The following RSRP1 variants were observed in gnomAD, a reference collection of about 807,000 sequenced individuals.
The protein encoded by RSRP1 is arginine and serine rich protein 1.
In RSRP1, 37 loss-of-function variants were observed where a neutral mutation model predicts 33.0. The observed-to-expected ratio is 1.12, with a 90% confidence interval of 0.86 to 1.48. The LOEUF is 1.48. RSRP1 is among the 40% of genes most tolerant of loss of function. The pLI is 0.00. For missense variants in RSRP1, 402 were observed against 385.3 expected (o/e 1.04, Z -0.36); for synonymous variants, 167 against 158.7 (o/e 1.05, Z -0.40).
At chr1:25,251,864 A>G (rs188263961), upstream of RSRP1, among the ~76,000 whole-genome samples, 41 of 151,942 alleles carry the variant, frequency 2.7e-4, no homozygotes, top group African/African-American at 9.9e-4. Context: ...AGTTTTCTTC[A>G]AGACATGTCA....
chr1:25,299,084 A>C (rs1236801291), intron 1 of RSRP1, among the ~76,000 whole-genome samples: 1 of 125,970 alleles, frequency 7.9e-6, no homozygotes, highest in Non-Finnish European at 1.9e-5. Flanking sequence ...AAAAAAAAAA[A>C]AAAAAAAAAA....
intron 1 of RSRP1, among the ~76,000 whole-genome samples, chr1:25,258,518 G>A (rs531082204): frequency 6.1e-4 from 93 of 152,280 alleles, no homozygotes; most frequent in African/African-American, 2.2e-3. Flanking sequence ...CTTTTTGGAA[G>A]ACCCTGTCAT....
rs17421144 is a variant in RSRP1 at position 25,300,968 on chromosome 1, T to G, written c.-67+37010A>C. 53 of 1,378,758 alleles carry G rather than the reference T, an allele frequency of 3.8e-5. 17 individuals carry two copies. The highest frequency in any genetic ancestry group is 4.9e-5 in the Non-Finnish European group (48 of 978,746). 85.4% of individuals were successfully genotyped at this position (1,378,758 alleles called of 1,614,324 possible). A position where few individuals can be genotyped will look rare whatever the true frequency, so the allele number is the denominator to read the frequency against. ...CAGACAGACTACCACATGAACATGA[T>G]GCACATCTACGTGTTCGCAGCCTAT... On this transcript the variant is annotated intron_variant, in intron 1 of 1. Coordinates refer to the RSRP1 transcript ENST00000561867.
chr1:25,245,000 A>T lies in RSRP1; in HGVS notation c.672+150T>A. The T allele has an allele frequency of 2.0e-6, 3 of 1,537,412 alleles. No individual in the cohort carries two copies. The South Asian group carries it at 3.7e-5, about 19-fold the overall frequency. On this transcript the variant is annotated intron_variant, in intron 3 of 4. Transcript: ENST00000243189. ...AATCTCCCATTTTCATGGGTTTGAC[A>T]TTGCCTATCTTCAGATTTGCTACTT...
intron 1 of RSRP1, among the ~76,000 whole-genome samples, chr1:25,286,515 A>G (rs191273434): frequency 0.021 from 2,779 of 134,856 alleles, 422 homozygotes; most frequent in African/African-American, 0.065. Flanking sequence ...GGCCGGGCGC[A>G]GTGGTTCATG....
In RSRP1 at chr1:25,264,114, G is replaced by T. The variant is rs559488061; in HGVS notation, c.-66-17085C>A. Among the ~76,000 whole-genome samples the T allele has an allele frequency of 3.4e-4, 52 of 152,066 alleles. No individual in the cohort carries two copies. The East Asian group carries it at 9.8e-3, about 29-fold the overall frequency. ...TCAGCTGCTTTCATGGGCTGGCATTGAGTGTCTGCAGCTTTTCCAGGTACA... is the reference window on the plus strand; with the variant it reads ...TCAGCTGCTTTCATGGGCTGGCATTTAGTGTCTGCAGCTTTTCCAGGTACA... On this transcript the variant is annotated intron_variant, in intron 1 of 1. Coordinates refer to the RSRP1 transcript ENST00000561867.
intron 1 of RSRP1, among the ~76,000 whole-genome samples, chr1:25,321,314 C>T (rs2124144825): frequency 8.4e-6 from 1 of 119,620 alleles, no homozygotes; most frequent in African/African-American, 2.8e-5. Flanking sequence ...CTCTCATGTA[C>T]TGCTCAGTAC....
chr1:25,242,485 G>T lies in RSRP1; in HGVS notation c.*104C>A. On this transcript the variant is annotated 3_prime_UTR_variant, in exon 5 of 5. Transcript: ENST00000243189. ...CATCTTTTTGTGTTGGTTTTTAAAT[G>T]CACAAGTACCCCTGAATGGCTCAAA... is the stretch of plus-strand genomic sequence containing the variant. 1.5e-6 allele frequency: 1 copy of T among 674,506 alleles called. No homozygotes were observed. Among genetic ancestry groups the T allele is most frequent in the Non-Finnish European group, 2.6e-6 (1 of 387,654 alleles). 41.8% of individuals were successfully genotyped at this position (674,506 alleles called of 1,614,324 possible).
In RSRP1 at chr1:25,332,518, A is replaced by G. The variant is rs1383790858; in HGVS notation, c.-67+5460T>C. On this transcript the variant is annotated intron_variant, in intron 1 of 1. Coordinates refer to the RSRP1 transcript ENST00000561867. The stretch of plus-strand genomic sequence containing the variant: ...GTCTGACTAAACCATTAGAAATTAA[A>G]AAAAAATGGCTACTTTCAAAGACAT... Among the ~76,000 whole-genome samples the G allele has an allele frequency of 1.6e-5, 2 of 125,850 alleles. 1 individual carries two copies. The highest frequency in any genetic ancestry group is 3.6e-5 in the Non-Finnish European group (2 of 55,902). 82.6% of individuals were successfully genotyped at this position (125,850 alleles called of 152,430 possible).
rs1244537403 is a variant in RSRP1 at position 25,242,554 on chromosome 1, GTT to G, written c.*33_*34del. 7.4e-7 allele frequency: 1 copy of G among 1,343,346 alleles called. No individual in the cohort carries two copies. The highest frequency in any genetic ancestry group is 1.1e-6 in the Non-Finnish European group (1 of 947,260). 83.2% of individuals were successfully genotyped at this position (1,343,346 alleles called of 1,614,324 possible). On this transcript the variant is annotated 3_prime_UTR_variant, in exon 5 of 5. Coordinates refer to ENST00000243189, the MANE Select transcript of RSRP1 (RefSeq NM_020317.5). ...AAACACTAACTTGCAATAAAGTGCA[GTT>G]TTCATGCAAACTTAGCCATCAGTTT...
In RSRP1 at chr1:25,280,057, G is replaced by C. The variant is rs1214840598; in HGVS notation, c.-66-33028C>G. 1.5e-5 allele frequency among the ~76,000 whole-genome samples: 2 copies of C among 129,576 alleles called. 1 individual carries two copies. Among genetic ancestry groups the C allele is most frequent in the Non-Finnish European group, 3.6e-5 (2 of 55,224 alleles). The allele number at this position is 129,576 out of a possible 152,430, so 85.0% of individuals were successfully genotyped here. On this transcript the variant is annotated intron_variant, in intron 1 of 1. Transcript: ENST00000561867. ...GAGAAGTGGGAGGATGAGGGGGCAG[G>C]GGGAGGAGAAGCCTGAAATCAAATG...
intron 1 of RSRP1, among the ~76,000 whole-genome samples, chr1:25,287,569 T>C (rs1642141196): frequency 7.4e-6 from 1 of 134,950 alleles, no homozygotes; most frequent in Non-Finnish European, 1.8e-5. Context: ...CCACTTGACT[T>C]GGGACTGATT....
At chr1:25,275,965 G>A (rs1640925408) in intron 1 of RSRP1, among the ~76,000 whole-genome samples, 1 of 132,472 alleles carries the variant, frequency 7.5e-6, no homozygotes, top group Admixed American at 7.4e-5. Flanking sequence ...AGTTGGTTAA[G>A]CCATTACTTC....
At chr1:25,258,628 G>A (rs1029003957) in intron 1 of RSRP1, among the ~76,000 whole-genome samples, 1 of 151,994 alleles carries the variant, frequency 6.6e-6, no homozygotes, top group African/African-American at 2.4e-5. Flanking sequence ...CTCTCAGTAG[G>A]TTCAAAACCA....
chr1:25,244,513 T>A, intron 3 of RSRP1: 1 of 1,289,282 alleles, frequency 7.8e-7, no homozygotes, highest in Non-Finnish European at 1.0e-6. Flanking sequence ...AAGACAGAAA[T>A]AGAGCAGATA....
intron 1 of RSRP1, among the ~76,000 whole-genome samples, chr1:25,266,518 C>A (rs1640315072): frequency 1.6e-5 from 2 of 128,456 alleles, no homozygotes; most frequent in South Asian, 4.6e-4. Context: ...TAAAAACAGG[C>A]TATAGATTGT....
rs1642354445 is a variant in RSRP1, at chr1:25,290,043, T to A, written c.-66-43014A>T. ...CACCAACATGGGATACGTTTGATCATCATTCTTAATTTGCAGAAGGAGAAA... is the reference window on the plus strand; with the variant it reads ...CACCAACATGGGATACGTTTGATCAACATTCTTAATTTGCAGAAGGAGAAA... On this transcript the variant is annotated intron_variant, in intron 1 of 1. Transcript: ENST00000561867. Among the ~76,000 whole-genome samples, 2 of 125,020 alleles carry A rather than the reference T, an allele frequency of 1.6e-5. 1 individual carries two copies. The highest frequency in any genetic ancestry group is 5.6e-5 in the African/African-American group (2 of 36,018). 82.0% of individuals were successfully genotyped at this position (125,020 alleles called of 152,430 possible). A position where few individuals can be genotyped will look rare whatever the true frequency, so the allele number is the denominator to read the frequency against.
rs1293817538 is a variant in RSRP1, at chr1:25,330,647, G to A, written c.-67+7331C>T. The stretch of plus-strand genomic sequence containing the variant: ...ATTTGAAGCCACCCTCCAAACACAG[G>A]GGAAGGAGGCTGTGTGTATATCCTC... On this transcript the variant is annotated intron_variant, in intron 1 of 1. Coordinates refer to the RSRP1 transcript ENST00000561867. Among the ~76,000 whole-genome samples, 3 of 131,760 alleles carry A rather than the reference G, an allele frequency of 2.3e-5. 1 individual carries two copies. Among genetic ancestry groups the A allele is most frequent in the African/African-American group, 7.7e-5 (3 of 38,756 alleles). The allele number at this position is 131,760 out of a possible 152,430, so 86.4% of individuals were successfully genotyped here. A position where few individuals can be genotyped will look rare whatever the true frequency, so the allele number is the denominator to read the frequency against.
Position 25,296,540 on chromosome 1 carries a change from C to T in RSRP1, c.-67+41438G>A, listed in dbSNP as rs1300223054. Among the ~76,000 whole-genome samples the T allele has an allele frequency of 9.3e-5, 12 of 128,348 alleles. 1 individual carries two copies. Among genetic ancestry groups the T allele is most frequent in the African/African-American group, 2.9e-4 (11 of 37,626 alleles). The allele number at this position is 128,348 out of a possible 152,430, so 84.2% of individuals were successfully genotyped here. On this transcript the variant is annotated intron_variant, in intron 1 of 1. Coordinates refer to the RSRP1 transcript ENST00000561867. ...GATTACAGGCGTGGGCCACCATAAC[C>T]GGCCTCAGTGTATATTTCTGATGCA...
Sources: gnomAD v4.1 joint callset for allele counts (sites outside exome capture counted in the v4.1 genomes callset) on GRCh38, gnomAD v4.1.1 for gene constraint, MANE v1.5 for transcripts, NCBI Gene and HGNC (gene_info 2026-07-23, HGNC 2026-07-21) for gene names.